RAB38: variants seen among roughly 807,000 people sequenced by gnomAD.
RAB38 encodes the protein RAB38, member RAS oncogene family, also known as ras-related protein Rab-38.
Under a neutral mutation model 18.4 loss-of-function variants are expected in RAB38, and 15 were observed. That is an observed-to-expected ratio of 0.82 (90% CI 0.55 to 1.26). The LOEUF (loss-of-function observed/expected upper bound fraction) is 1.26. Among genes scored for constraint, RAB38 ranks in the 50% most tolerant of loss-of-function variants. The pLI is 0.00. For missense variants in RAB38, 294 were observed against 267.4 expected, an observed-to-expected ratio of 1.10 and a Z score of -0.69; for synonymous variants, 101 against 104.4, an observed-to-expected ratio of 0.97 and a Z score of 0.20.
chr11:87,947,649 C>A, the RAB38 span, among the ~76,000 whole-genome samples: 1 of 152,122 alleles, frequency 6.6e-6, no homozygotes, highest in Non-Finnish European at 1.5e-5. Flanking sequence ...ATAGGGAATC[C>A]TTTCCCCATT....
At chr11:88,131,721 C>A (rs973164215) in intron 2 of RAB38, among the ~76,000 whole-genome samples, 4 of 152,152 alleles carry the variant, frequency 2.6e-5, no homozygotes, top group African/African-American at 9.7e-5. Context: ...AGACAGAATT[C>A]TAATTCTAAT....
chr11:88,114,141 C>T lies in RAB38; in HGVS notation c.484-1G>A. On this transcript the variant is annotated splice_acceptor_variant, in intron 2 of 2. Transcript: ENST00000243662. LOFTEE classifies it high-confidence loss of function. ...AGGCTTCATCAATGTTTATATTTTC[C>T]TATGAGGGAAAAAATAAAACAGCTT... 1 of 1,613,880 alleles carries T rather than the reference C, an allele frequency of 6.2e-7. No homozygotes were observed. The highest frequency in any genetic ancestry group is 8.5e-7 in the Non-Finnish European group (1 of 1,179,868).
chr11:88,033,231 G>A, the RAB38 span, among the ~76,000 whole-genome samples: 15 of 151,906 alleles, frequency 9.9e-5, no homozygotes, highest in African/African-American at 2.4e-4. Flanking sequence ...CTGTTGTGGC[G>A]TGGGAGGAGG....
At chr11:88,130,648 T>C (rs1942755859) in intron 2 of RAB38, among the ~76,000 whole-genome samples, 1 of 152,218 alleles carries the variant, frequency 6.6e-6, no homozygotes, top group African/African-American at 2.4e-5. Context: ...AAGGTGACTA[T>C]GGGTTGGTTC....
chr11:87,836,224 T>A, the RAB38 span, among the ~76,000 whole-genome samples: 1 of 152,252 alleles, frequency 6.6e-6, no homozygotes, highest in South Asian at 2.1e-4. Context: ...TCAGACAATT[T>A]CACCTCTGAA....
chr11:87,818,225 C>T, the RAB38 span, among the ~76,000 whole-genome samples: 1 of 152,136 alleles, frequency 6.6e-6, no homozygotes. Flanking sequence ...TTGGGAACTA[C>T]TGCCCTAGTA....
chr11:88,123,280 G>A (rs1942652628), intron 2 of RAB38, among the ~76,000 whole-genome samples: 1 of 151,978 alleles, frequency 6.6e-6, no homozygotes. Context: ...GCCCCATCCT[G>A]GTGTCTAGCA....
chr11:88,103,744 C>G, the RAB38 span, among the ~76,000 whole-genome samples: 1 of 152,128 alleles, frequency 6.6e-6, no homozygotes, highest in South Asian at 2.1e-4. Context: ...GTTTTAAATT[C>G]CAAAGGGAAA....
the RAB38 span, among the ~76,000 whole-genome samples, chr11:88,030,456 G>T: frequency 6.6e-6 from 1 of 152,016 alleles, no homozygotes; most frequent in East Asian, 1.9e-4. Context: ...TTTTTGAAAG[G>T]ATCAACAAAA....
chr11:87,812,308 C>T, the RAB38 span, among the ~76,000 whole-genome samples: 3 of 151,934 alleles, frequency 2.0e-5, no homozygotes, highest in African/African-American at 7.3e-5. Flanking sequence ...CTTAGGCCAA[C>T]TTTACTCTTC....
chr11:87,861,858 A>G, the RAB38 span, among the ~76,000 whole-genome samples: 1 of 151,730 alleles, frequency 6.6e-6, no homozygotes, highest in African/African-American at 2.4e-5. Flanking sequence ...TTAATAACGT[A>G]CAACAGACTG....
chr11:87,872,199 A>C, the RAB38 span, among the ~76,000 whole-genome samples: 20 of 151,650 alleles, frequency 1.3e-4, no homozygotes, highest in Non-Finnish European at 2.7e-4. Flanking sequence ...ATACATTATC[A>C]TATGCATATT....
intron 1 of RAB38, chr11:88,167,699 T>C (rs1389649504): frequency 6.6e-6 from 1 of 152,160 alleles, no homozygotes; most frequent in Non-Finnish European, 1.5e-5. Context: ...AAGAGTAATT[T>C]AAGATCACGT....
the RAB38 span, among the ~76,000 whole-genome samples, chr11:87,937,870 G>GTTTTT: frequency 4.8e-4 from 44 of 91,998 alleles, no homozygotes; most frequent in African/African-American, 8.8e-4. Flanking sequence ...TCATTGAAGT[G>GTTTTT]TTTTTTTTTT....
chr11:87,879,582 G>C, the RAB38 span: 1 of 151,848 alleles, frequency 6.6e-6, no homozygotes, highest in East Asian at 2.0e-4. Context: ...TAGGAATCTA[G>C]TGAGAACCTC....
the RAB38 span, among the ~76,000 whole-genome samples, chr11:88,027,139 C>T: frequency 1.9e-3 from 294 of 151,938 alleles, 1 homozygote; most frequent in African/African-American, 6.5e-3. Flanking sequence ...AGAAAGTTTC[C>T]TTTCTATTTC....
chr11:87,930,288 T>C, the RAB38 span, among the ~76,000 whole-genome samples: 1 of 152,176 alleles, frequency 6.6e-6, no homozygotes, highest in Non-Finnish European at 1.5e-5. Flanking sequence ...CTCATTGTGG[T>C]TTTGATTTGC....
At chr11:88,079,164 AT>A in the RAB38 span, among the ~76,000 whole-genome samples, 1 of 151,918 alleles carries the variant, frequency 6.6e-6, no homozygotes, top group Non-Finnish European at 1.5e-5. Flanking sequence ...TTCTTTGAAA[AT>A]ATCAATAAAA....
chr11:87,808,011 G>C, the RAB38 span, among the ~76,000 whole-genome samples: 305 of 152,310 alleles, frequency 2.0e-3, 1 homozygote, highest in African/African-American at 7.2e-3. Flanking sequence ...GTGTGTTGCA[G>C]AGTCTCAGCT....
Sources: gnomAD v4.1 joint callset for allele counts (sites outside exome capture counted in the v4.1 genomes callset) on GRCh38, gnomAD v4.1.1 for gene constraint, MANE v1.5 for transcripts, NCBI Gene and HGNC (gene_info 2026-07-23, HGNC 2026-07-21) for gene names.